Variants in EPHA4 observed in about 807,000 individuals in gnomAD.
EPHA4 encodes the protein ephrin type-A receptor 4.
Under a neutral mutation model 108.3 loss-of-function variants are expected in EPHA4, and 19 were observed. The ratio of observed to expected loss-of-function variants is 0.18; its 90% confidence interval spans 0.12 to 0.26. The LOEUF (loss-of-function observed/expected upper bound fraction) is 0.26, where lower values mean the gene tolerates loss of function less well. Among genes scored for constraint, EPHA4 ranks in the 10% least tolerant of loss-of-function variants. The pLI is 1.00. For missense variants in EPHA4, 917 were observed against 1,254.0 expected, an observed-to-expected ratio of 0.73 and a Z score of 4.06; for synonymous variants, 449 against 455.5, an observed-to-expected ratio of 0.99 and a Z score of 0.18.
In EPHA4 at chr2:221,418,528, T is replaced by C. The variant is rs536022667; in HGVS notation, c.*2844A>G. On this transcript the variant is annotated 3_prime_UTR_variant, in exon 18 of 18. Transcript: ENST00000281821. ...ACGGGTGTACGGATTAATACACATA[T>C]CCTTCACAGATTGAATACAAGAGGT... 5 of 152,742 alleles carry C rather than the reference T, an allele frequency of 3.3e-5. No homozygotes were observed. The highest frequency in any genetic ancestry group is 1.2e-4 in the African/African-American group (5 of 41,558). The allele number at this position is 152,742 out of a possible 1,614,324, so 9.5% of individuals were successfully genotyped here.
At chr2:221,568,632 A>G (rs1448250623) in intron 2 of EPHA4, 86 bp downstream of exon 2, 1 of 1,096,126 alleles carries the variant, frequency 9.1e-7, no homozygotes, top group East Asian at 2.4e-5. Context: ...CACCACAATC[A>G]ACAAGAATCA....
rs377733447 is a variant in EPHA4 at position 221,436,057 on chromosome 2, G to A, written c.2346+342C>T. On this transcript the variant is annotated intron_variant, in intron 13 of 17. Coordinates refer to ENST00000281821, the MANE Select transcript of EPHA4 (RefSeq NM_004438.5). ...TAATTGATCATTTGTTGTGTAAACT[G>A]ATCCTTAATGCTTGCTTCTCAGCTC... Among the ~76,000 whole-genome samples, 25 of 151,908 alleles carry A rather than the reference G, an allele frequency of 1.6e-4. No homozygotes were observed. In the East Asian group the frequency reaches 2.9e-3, roughly 18 times the overall value.
intron 4 of EPHA4, among the ~76,000 whole-genome samples, chr2:221,490,904 A>G (rs1022643537): frequency 7.9e-5 from 12 of 152,174 alleles, no homozygotes; most frequent in Admixed American, 4.6e-4. Context: ...CCTGACATAT[A>G]TGAACAGTGC....
intron 11 of EPHA4, among the ~76,000 whole-genome samples, chr2:221,439,827 T>G (rs989780596): frequency 5.3e-5 from 8 of 152,122 alleles, no homozygotes; most frequent in Non-Finnish European, 1.0e-4. Flanking sequence ...CAGGAGAGGA[T>G]CCAAAAGTGA....
At chr2:221,563,649 G>C in intron 3 of EPHA4, 82 bp downstream of exon 3, 1 of 1,497,958 alleles carries the variant, frequency 6.7e-7, no homozygotes, top group African/African-American at 1.4e-5. Context: ...CTAATTACTG[G>C]CTTTACTCCA....
intron 5 of EPHA4, among the ~76,000 whole-genome samples, chr2:221,479,172 C>T (rs1188063634): frequency 6.6e-6 from 1 of 152,178 alleles, no homozygotes; most frequent in Non-Finnish European, 1.5e-5. Context: ...TACATGAATG[C>T]CATTCATTAT....
rs561136213 is a variant in EPHA4 at position 221,536,610 on chromosome 2, C to T, written c.823+27121G>A. Among the ~76,000 whole-genome samples, 10 of 152,316 alleles carry T rather than the reference C, an allele frequency of 6.6e-5. No individual in the cohort carries two copies. In the East Asian group the frequency reaches 1.7e-3, roughly 26 times the overall value. On this transcript the variant is annotated intron_variant, in intron 3 of 17. Transcript: ENST00000281821. The stretch of plus-strand genomic sequence containing the variant: ...TCATTCTTCAGAAAATCCCTCTAAA[C>T]AATGTACTTTGGTCAATTCCCTTGT...
chr2:221,538,009 G>A (rs1693721367), intron 3 of EPHA4, among the ~76,000 whole-genome samples: 2 of 152,314 alleles, frequency 1.3e-5, no homozygotes, highest in Middle Eastern at 6.8e-3. Context: ...AAAAAAAAGG[G>A]GGGGTTATAC....
rs754661415 is a variant in EPHA4 at position 221,434,170 on chromosome 2, C to T, written c.2468G>A (p.Arg823Lys). The T allele has an allele frequency of 6.2e-7, 1 of 1,613,772 alleles. No homozygotes were observed. Among genetic ancestry groups the T allele is most frequent in the Non-Finnish European group, 8.5e-7 (1 of 1,179,836 alleles). The change falls in exon 14 of 18, where the codon AGG becomes AAG. Residue 823 changes from arginine to lysine, a missense_variant. This residue lies in a region of EPHA4 where 758 missense variants were observed against 1,076.7 expected (regional missense o/e 0.70). Coordinates refer to ENST00000281821, the MANE Select transcript of EPHA4 (RefSeq NM_004438.5). ...TTGATTGGACATATCCCAATAGGGCCTCTCCCCGTACGACATCACTTCCCA... is the reference window on the plus strand; with the variant it reads ...TTGATTGGACATATCCCAATAGGGCTTCTCCCCGTACGACATCACTTCCCA... Reference protein sequence around the residue: ...VMWEVMSYGERPYWDMSNQDV... With the variant: ...VMWEVMSYGEKPYWDMSNQDV...
chr2:221,534,616 G>A (rs1164294271), intron 3 of EPHA4, among the ~76,000 whole-genome samples: 1 of 152,156 alleles, frequency 6.6e-6, no homozygotes, highest in Non-Finnish European at 1.5e-5. Flanking sequence ...GACTATCCCT[G>A]GAACCCATGG....
chr2:221,573,344 C>T (rs1253311632), upstream of EPHA4: 1 of 152,188 alleles, frequency 6.6e-6, no homozygotes, highest in Non-Finnish European at 1.5e-5. The surrounding 1 kb of genome is among the most constrained non-coding windows in gnomAD (Gnocchi z 4.5). Context: ...CCCGCAGAGC[C>T]CCGCCCGGCT....
rs538404651 is a variant in EPHA4, at chr2:221,448,099, C to T, written c.1716-1918G>A. On this transcript the variant is annotated intron_variant, in intron 8 of 17. Transcript: ENST00000281821. ...TCAAGTAATCCGCCCACATAGGCCTCCCAAAGTGCTGGGATTATAGGCATG... is the reference window on the plus strand; with the variant it reads ...TCAAGTAATCCGCCCACATAGGCCTTCCAAAGTGCTGGGATTATAGGCATG... Among the ~76,000 whole-genome samples the T allele has an allele frequency of 6.8e-4, 103 of 152,274 alleles. No individual in the cohort carries two copies. In the South Asian group the frequency reaches 0.012, roughly 17 times the overall value.
At chr2:221,560,415 C>G (rs1438129161) in intron 3 of EPHA4, among the ~76,000 whole-genome samples, 2 of 151,384 alleles carry the variant, frequency 1.3e-5, no homozygotes, top group Non-Finnish European at 1.5e-5. Context: ...TCTTTCCTAT[C>G]GAGGAGGAAA....
In EPHA4 at chr2:221,501,001, CA is replaced by C; in HGVS notation, c.979+15del. On this transcript the variant is annotated intron_variant, in intron 4 of 17. Transcript: ENST00000281821. The stretch of plus-strand genomic sequence containing the variant: ...CTGTTGGCATCACAGGAATGAGAGA[CA>C]AGCATACAACTTACGGGTGCAGGGC... 6.4e-7 allele frequency: 1 copy of C among 1,560,766 alleles called. No individual in the cohort carries two copies.
rs925488437 is a variant in EPHA4, at chr2:221,422,316, T to C, written c.*820-1764A>G. 3.9e-5 allele frequency among the ~76,000 whole-genome samples: 6 copies of C among 152,324 alleles called. No homozygotes were observed. The East Asian group carries it at 1.2e-3, about 29-fold the overall frequency. ...ATGTGAAGTATGAGGAGAACATGAA[T>C]ATGATCTTAAAACGCTAGAGTGTAT... On this transcript the variant is annotated intron_variant, in intron 17 of 17. Transcript: ENST00000281821.
chr2:221,483,142 G>A (rs1394273220), intron 4 of EPHA4, among the ~76,000 whole-genome samples: 1 of 152,138 alleles, frequency 6.6e-6, no homozygotes, highest in Non-Finnish European at 1.5e-5. Flanking sequence ...GTCATCAATA[G>A]CAAATAAAAT....
At chr2:221,445,233 T>C (rs1384434163) in intron 9 of EPHA4, among the ~76,000 whole-genome samples, 1 of 152,184 alleles carries the variant, frequency 6.6e-6, no homozygotes. Flanking sequence ...TATAGAACAA[T>C]GTTATCTCAG....
At chr2:221,432,646 A>G (rs1190101252) in intron 14 of EPHA4, among the ~76,000 whole-genome samples, 4 of 142,082 alleles carry the variant, frequency 2.8e-5, no homozygotes, top group Admixed American at 7.1e-5. Flanking sequence ...TGCACCGAAC[A>G]TTTTTTTTTT....
chr2:221,461,393 T>C (rs1691139307), intron 5 of EPHA4, among the ~76,000 whole-genome samples: 1 of 152,200 alleles, frequency 6.6e-6, no homozygotes, highest in Non-Finnish European at 1.5e-5. Context: ...TTTAAAAAGA[T>C]TGTACATCCC....
Sources: allele counts gnomAD v4.1 joint callset (sites outside exome capture counted in the v4.1 genomes callset), GRCh38; gene constraint gnomAD v4.1.1; regional missense constraint gnomAD v4.1.1; non-coding constraint Gnocchi (gnomAD v3.1); transcripts MANE v1.5; gene names NCBI Gene and HGNC (gene_info 2026-07-23, HGNC 2026-07-21).